SLC39A11: variants seen among roughly 807,000 people sequenced by gnomAD.
The protein encoded by SLC39A11 is zinc transporter ZIP11.
A neutral mutation model predicts 36.1 loss-of-function variants in SLC39A11; 33 were observed. The observed-to-expected ratio is 0.91, with a 90% confidence interval of 0.69 to 1.22. The LOEUF (loss-of-function observed/expected upper bound fraction) is 1.22, where lower values mean the gene tolerates loss of function less well. SLC39A11 is among the 50% of genes most tolerant of loss of function. The pLI is 0.00. For synonymous variants in SLC39A11, 166 were observed against 170.3 expected (o/e 0.97, Z 0.20); for missense variants, 432 against 430.3 (o/e 1.00, Z -0.03).
intron 5 of SLC39A11, among the ~76,000 whole-genome samples, chr17:72,941,862 C>CTATTCATT (rs1555643420): frequency 6.9e-6 from 1 of 144,684 alleles, no homozygotes; most frequent in East Asian, 2.0e-4. Flanking sequence ...TTGCTTCATT[C>CTATTCATT]TATTTATTTA....
intron 5 of SLC39A11, among the ~76,000 whole-genome samples, chr17:72,910,831 G>A (rs2082945040): frequency 6.6e-6 from 1 of 150,772 alleles, no homozygotes; most frequent in South Asian, 2.1e-4. Flanking sequence ...GGAGGCTGAG[G>A]CAGGAGAGTC....
intron 3 of SLC39A11, among the ~76,000 whole-genome samples, chr17:73,049,994 G>A (rs1029093609): frequency 9.2e-5 from 14 of 152,108 alleles, no homozygotes; most frequent in African/African-American, 1.9e-4. Flanking sequence ...GGAGTGGCAC[G>A]TCTGTAATCC....
At position 72,805,248 on chromosome 17, in the gene SLC39A11, T is replaced by A. The variant is rs186680253; in HGVS notation, c.601+44386A>T. Among the ~76,000 whole-genome samples the A allele has an allele frequency of 2.0e-3, 305 of 152,276 alleles. 2 individuals carry two copies. The highest frequency in any genetic ancestry group is 6.9e-3 in the African/African-American group (285 of 41,552). On this transcript the variant is annotated intron_variant, in intron 6 of 9. Transcript: ENST00000255559. ...TCCTGCTTTTCCTTGAGAAACCCCC[T>A]ACTTCCATCCTATGTAATCCTGATG...
At chr17:72,905,644 T>G (rs1332422374) in intron 5 of SLC39A11, among the ~76,000 whole-genome samples, 2 of 151,462 alleles carry the variant, frequency 1.3e-5, no homozygotes, top group East Asian at 3.9e-4. Flanking sequence ...CAGGCTGGAG[T>G]GCAGTGGCGC....
chr17:72,951,192 G>C (rs1382209567), intron 4 of SLC39A11, among the ~76,000 whole-genome samples: 1 of 150,168 alleles, frequency 6.7e-6, no homozygotes, highest in South Asian at 2.1e-4. Flanking sequence ...AGCCCAGGAA[G>C]GCGAGGCTGC....
At chr17:72,696,780 TA>T (rs1451144695) in intron 7 of SLC39A11, among the ~76,000 whole-genome samples, 4 of 152,336 alleles carry the variant, frequency 2.6e-5, no homozygotes, top group South Asian at 2.1e-4. Context: ...AATCATATTA[TA>T]AAAAAATACA....
intron 7 of SLC39A11, among the ~76,000 whole-genome samples, chr17:72,716,103 C>G (rs931708522): frequency 1.3e-5 from 2 of 151,600 alleles, no homozygotes; most frequent in African/African-American, 4.9e-5. Flanking sequence ...CCTGACCCAC[C>G]CCAAAAAGGC....
chr17:72,754,051 TACAC>T (rs58802713), intron 6 of SLC39A11, among the ~76,000 whole-genome samples: 7,536 of 107,660 alleles, frequency 0.07, 248 homozygotes, highest in Non-Finnish European at 0.081. Context: ...TATATACACA[TACAC>T]ACACACACAC....
At chr17:72,772,602 AGTGTGGAGGAGGT>A (rs1278536195) in intron 6 of SLC39A11, among the ~76,000 whole-genome samples, 1 of 152,164 alleles carries the variant, frequency 6.6e-6, no homozygotes, top group Non-Finnish European at 1.5e-5. Context: ...AGAGAAGGTA[AGTGTGGAGGAGGT>A]ATAGGCTTCC....
rs974369311 is a variant in SLC39A11 at position 72,648,725 on chromosome 17, G to T, written c.929+78C>A. 2.1e-5 allele frequency: 33 copies of T among 1,558,252 alleles called. No individual in the cohort carries two copies. In the African/African-American group the frequency reaches 4.3e-4, roughly 21 times the overall value. On this transcript the variant is annotated intron_variant, in intron 9 of 9. Transcript: ENST00000255559. ...GGGAATAAGGAAAGGAAAGGCAAAT[G>T]AAGAAAGAGCATATCCCAAGGCTGG...
intron 1 of SLC39A11, among the ~76,000 whole-genome samples, chr17:73,089,251 C>T (rs1033539843): frequency 2.6e-5 from 4 of 152,208 alleles, no homozygotes; most frequent in African/African-American, 7.2e-5. Context: ...TCTGCAACAG[C>T]GCACCTGCCC....
chr17:72,891,237 C>T (rs1430333107), intron 5 of SLC39A11, among the ~76,000 whole-genome samples: 1 of 152,102 alleles, frequency 6.6e-6, no homozygotes, highest in African/African-American at 2.4e-5. Flanking sequence ...GCCTGATCAA[C>T]ATGGTGAAAC....
At chr17:72,766,199 T>C (rs905800125) in intron 6 of SLC39A11, among the ~76,000 whole-genome samples, 1 of 151,920 alleles carries the variant, frequency 6.6e-6, no homozygotes. Context: ...TGGAGTGAGA[T>C]GGTTACAAGG....
chr17:72,792,988 G>A (rs181392117), intron 6 of SLC39A11, among the ~76,000 whole-genome samples: 4 of 152,272 alleles, frequency 2.6e-5, no homozygotes, highest in African/African-American at 7.2e-5. Flanking sequence ...CCGGCGGGGT[G>A]GGGGCGAGGG....
At chr17:72,769,950 G>C (rs1380234984) in intron 6 of SLC39A11, among the ~76,000 whole-genome samples, 1 of 152,108 alleles carries the variant, frequency 6.6e-6, no homozygotes, top group Non-Finnish European at 1.5e-5. Context: ...CAGTCTCCCT[G>C]CCTTTGCTTC....
chr17:72,803,265 TG>T (rs2077153927), intron 6 of SLC39A11, among the ~76,000 whole-genome samples: 1 of 152,224 alleles, frequency 6.6e-6, no homozygotes, highest in African/African-American at 2.4e-5. Context: ...GCTGGGCCCG[TG>T]GTGCTGCCAT....
chr17:72,658,348 T>C (rs2070242679), intron 7 of SLC39A11, among the ~76,000 whole-genome samples: 1 of 152,170 alleles, frequency 6.6e-6, no homozygotes. Flanking sequence ...TGAGGGCCAA[T>C]GGCCAGGGTC....
intron 5 of SLC39A11, among the ~76,000 whole-genome samples, chr17:72,923,887 A>G (rs2083858188): frequency 6.6e-6 from 1 of 152,066 alleles, no homozygotes; most frequent in Non-Finnish European, 1.5e-5. Flanking sequence ...GCTCACACCT[A>G]TAATCCCAAC....
intron 6 of SLC39A11, among the ~76,000 whole-genome samples, chr17:72,824,478 G>A (rs2145606165): frequency 6.6e-6 from 1 of 151,344 alleles, no homozygotes; most frequent in African/African-American, 2.4e-5. Context: ...ACCGGGAGTG[G>A]GGACATTACT....
Sources: gnomAD v4.1 joint callset for allele counts (sites outside exome capture counted in the v4.1 genomes callset) on GRCh38, gnomAD v4.1.1 for gene constraint, MANE v1.5 for transcripts, NCBI Gene and HGNC (gene_info 2026-07-23, HGNC 2026-07-21) for gene names.